Variants in HCFC1 observed in about 807,000 individuals in gnomAD.
HCFC1 encodes the protein host cell factor 1.
HCFC1 carries 7 observed loss-of-function variants against 105.5 expected under a neutral mutation model. That is an observed-to-expected ratio of 0.07 (90% CI 0.04 to 0.12). The LOEUF (loss-of-function observed/expected upper bound fraction) is 0.12. HCFC1 is among the 10% of genes least tolerant of loss of function. The pLI, the probability that HCFC1 is intolerant of heterozygous loss-of-function variation, is 1.00. For missense variants in HCFC1, 1,065 were observed against 1,823.6 expected (o/e 0.58, Z 7.58); for synonymous variants, 918 against 828.1 (o/e 1.11, Z -1.86).
At chrX:153,959,764 G>T in intron 8 of HCFC1, 38 bp downstream of exon 8, 2 of 1,146,882 alleles carry the variant, frequency 1.7e-6, no homozygotes, top group Non-Finnish European at 2.3e-6. Flanking sequence ...CCGGAGGCTA[G>T]CCCCCTACTT....
chrX:153,959,617 T>C (rs2065410232), intron 8 of HCFC1, 126 bp from the exon 9 acceptor site: 3 of 968,855 alleles, frequency 3.1e-6, no homozygotes, highest in Non-Finnish European at 1.4e-6. Flanking sequence ...CTCTGTGCCC[T>C]GAGAGTGACC....
rs782510638 is a variant in HCFC1, at chrX:153,953,590, G to GC, written c.4497+16dup. Reference sequence around the variant, plus strand: ...GGCCGGGAAGGCGGGGAAGAACACGGCCCCCTGGGCTCTTACCGGCACAGA... The same window carrying GC: ...GGCCGGGAAGGCGGGGAAGAACACGGCCCCCCTGGGCTCTTACCGGCACAGA... On this transcript the variant is annotated intron_variant, in intron 18 of 25. Transcript: ENST00000310441. The GC allele has an allele frequency of 1.7e-6, 2 of 1,201,381 alleles. No homozygotes were observed. The highest frequency in any genetic ancestry group is 3.5e-5 in the South Asian group (2 of 56,694).
intron 3 of HCFC1, among the ~76,000 whole-genome samples, chrX:153,963,696 C>T (rs1036927064): frequency 8.9e-6 from 1 of 112,776 alleles, no homozygotes; most frequent in Non-Finnish European, 1.9e-5. Flanking sequence ...GCCATGCACA[C>T]AAAGCTGGGT....
intron 6 of HCFC1, among the ~76,000 whole-genome samples, chrX:153,961,245 A>C (rs1420317983): frequency 1.8e-5 from 2 of 112,486 alleles, no homozygotes; most frequent in African/African-American, 6.5e-5. Context: ...ACAGGAAACC[A>C]CCCACATGGC....
chrX:153,964,358 T>A, intron 2 of HCFC1, 74 bp from the exon 3 acceptor site: 2 of 1,037,870 alleles, frequency 1.9e-6, no homozygotes, highest in Non-Finnish European at 2.6e-6. Flanking sequence ...CAACTTGTGG[T>A]GGAGGAGGAA....
chrX:153,967,056 T>C (rs923532977), intron 1 of HCFC1, among the ~76,000 whole-genome samples: 7 of 111,567 alleles, frequency 6.3e-5, no homozygotes, highest in African/African-American at 2.0e-4. Flanking sequence ...TCAAGAGAGG[T>C]CTGTCAGGGA....
Position 153,955,918 on chromosome X carries a change from C to T in HCFC1, c.2856+273G>A, listed in dbSNP as rs371678427. On this transcript the variant is annotated intron_variant, in intron 16 of 25. Coordinates refer to ENST00000310441, the MANE Select transcript of HCFC1 (RefSeq NM_005334.3). ...ACAGAACACTGCACACACATGCAGA[C>T]GAGCTGCGGCGTCCTGTAGAACACT... is the stretch of plus-strand genomic sequence containing the variant. Among the ~76,000 whole-genome samples, 35 of 113,310 alleles carry T rather than the reference C, an allele frequency of 3.1e-4. No individual in the cohort carries two copies. The South Asian group carries it at 0.012, about 38-fold the overall frequency.
chrX:153,959,292 CA>C (rs2065406626), intron 9 of HCFC1, 38 bp downstream of exon 9: 1 of 1,169,098 alleles, frequency 8.6e-7, no homozygotes. Context: ...TCCACTGGAT[CA>C]ACAGGAAATC....
chrX:153,955,376 G>A lies in HCFC1; in HGVS notation c.3023C>T (p.Thr1008Ile). 1 of 1,211,199 alleles carries A rather than the reference G, an allele frequency of 8.3e-7. No homozygotes were observed. ...TGGGTTGGAGCACACCAAGGTGACA[G>A]TGCCAGGCTGCACATCACCCTGGCC... ...DSGQGDVQPG[T>I]VTLVCSNPPC... is the part of the protein sequence containing the mutation. The change falls in exon 17 of 26, where the codon ACT (threonine) becomes ATT (isoleucine). Residue 1008 changes from threonine to isoleucine, a missense_variant. Physicochemically the swap from Thr to Ile is moderately conservative, Grantham distance 89 (BLOSUM62 -1). Transcript: ENST00000310441.
chrX:153,960,314 G>A lies in HCFC1; in HGVS notation c.1005C>T (p.Tyr335=), dbSNP rs1261027235. Residue 335 remains tyrosine (Y), a synonymous_variant, in exon 7 of 26, where the codon TAC becomes TAT. Transcript: ENST00000310441. ...HCAVAINTRL[Y]IWSGRDGYRK... ...GGTAGCCGTCACGCCCACTCCAAATGTACAGGCGGGTGTTGATGGCGACTG... is the reference window on the plus strand; with the variant it reads ...GGTAGCCGTCACGCCCACTCCAAATATACAGGCGGGTGTTGATGGCGACTG... The A allele has an allele frequency of 8.4e-7, 1 of 1,196,731 alleles. No individual in the cohort carries two copies. Among genetic ancestry groups the A allele is most frequent in the Admixed American group, 2.2e-5 (1 of 44,635 alleles).
intron 16 of HCFC1, 90 bp downstream of exon 16, chrX:153,956,101 G>A (rs2065373754): frequency 2.3e-6 from 2 of 871,662 alleles, no homozygotes; most frequent in Non-Finnish European, 1.7e-6. Context: ...ACACCAGGAA[G>A]GAAAGGCCTG....
intron 3 of HCFC1, among the ~76,000 whole-genome samples, chrX:153,963,763 CAG>C (rs1175390088): frequency 8.9e-6 from 1 of 112,891 alleles, no homozygotes; most frequent in Non-Finnish European, 1.9e-5. Flanking sequence ...TACCTCCAGA[CAG>C]AGAGTCCTTG....
rs191389537 is a variant in HCFC1 at position 153,969,633 on chromosome X, G to A, written c.193+1015C>T. ...AGAAAAAGGATGCCACAAAGCTGTCGTGGACAGCAGCAGGCTTTCTGCCCT... is the reference window on the plus strand; with the variant it reads ...AGAAAAAGGATGCCACAAAGCTGTCATGGACAGCAGCAGGCTTTCTGCCCT... On this transcript the variant is annotated intron_variant, in intron 1 of 25. Coordinates refer to ENST00000310441, the MANE Select transcript of HCFC1 (RefSeq NM_005334.3). 2.7e-4 allele frequency among the ~76,000 whole-genome samples: 30 copies of A among 112,855 alleles called. No individual in the cohort carries two copies. The East Asian group carries it at 4.2e-3, about 16-fold the overall frequency.
rs58759385 is a variant in HCFC1 at position 153,962,407 on chromosome X, G to C, written c.713-101C>G. On this transcript the variant is annotated intron_variant, in intron 4 of 25. Transcript: ENST00000310441. ...AGGAAGGTAGGATCTGTCTCAGTGA[G>C]AGAATTCCATCCCTGGCTTCCCTAT... 0.02 allele frequency: 11,211 copies of C among 572,823 alleles called. 881 individuals are homozygous for C. The African/African-American group carries it at 0.22, about 11-fold the overall frequency. The allele number at this position is 572,823 out of a possible 1,213,427, so 47.2% of individuals were successfully genotyped here. A position where few individuals can be genotyped will look rare whatever the true frequency, so the allele number is the denominator to read the frequency against.
In HCFC1 at chrX:153,954,737, C is replaced by T; in HGVS notation, c.3662G>A (p.Ser1221Asn). The T allele has an allele frequency of 8.5e-7, 1 of 1,178,957 alleles. No homozygotes were observed. The highest frequency in any genetic ancestry group is 1.1e-6 in the Non-Finnish European group (1 of 879,384). The change falls in exon 17 of 26, where the codon AGC becomes AAC. Residue 1221 changes from serine to asparagine, a missense_variant. By Grantham distance (46) the Ser-to-Asn change is conservative. Coordinates refer to ENST00000310441, the MANE Select transcript of HCFC1 (RefSeq NM_005334.3). The stretch of plus-strand genomic sequence containing the variant: ...AGGAAGGTCCTTAATGCTTGGGCTG[C>T]TCAGCCTGACTTTGCTGCTCAGAGG... ...LAPLSSKVRL[S>N]SPSIKDLPAG...
In HCFC1 at chrX:153,950,990, C is replaced by T. The variant is rs1168680948; in HGVS notation, c.5526G>A (p.Leu1842=). Residue 1842 remains leucine, a synonymous_variant, in exon 23 of 26, where the codon TTG becomes TTA. Transcript: ENST00000310441. ...GCTGGTTATAGTCAGGGACGGTGCC[C>T]AAATCATCCTAGGAAAAGAGGAGTG... ...PDDAVPSDDD[L]GTVPDYNQLK... 2 of 1,207,940 alleles carry T rather than the reference C, an allele frequency of 1.7e-6. No homozygotes were observed. Among genetic ancestry groups the T allele is most frequent in the Non-Finnish European group, 2.2e-6 (2 of 893,875 alleles).
In HCFC1 at chrX:153,956,507, A is replaced by G. The variant is rs1222795414; in HGVS notation, c.2636-96T>C. The G allele has an allele frequency of 5.4e-6, 6 of 1,117,370 alleles. 1 individual carries two copies. The East Asian group carries it at 1.2e-4, about 22-fold the overall frequency. The allele number at this position is 1,117,370 out of a possible 1,213,427, so 92.1% of individuals were successfully genotyped here. ...GCTGGGGCACTCTGGAGCTGCTTGCATAGAAGGCTCGGGAGAGAGGAGCTG... is the reference window on the plus strand; with the variant it reads ...GCTGGGGCACTCTGGAGCTGCTTGCGTAGAAGGCTCGGGAGAGAGGAGCTG... On this transcript the variant is annotated intron_variant, in intron 15 of 25. Transcript: ENST00000310441.
In HCFC1 at chrX:153,958,912, C is replaced by G. The variant is rs782161786; in HGVS notation, c.1606-146G>C. Reference sequence around the variant, plus strand: ...TGGCTCAGCTTTCTCTACTGCCAGACCCCGCTCTCCTGGCCCCAGACACAG... The same window carrying G: ...TGGCTCAGCTTTCTCTACTGCCAGAGCCCGCTCTCCTGGCCCCAGACACAG... On this transcript the variant is annotated intron_variant, in intron 9 of 25. Coordinates refer to ENST00000310441, the MANE Select transcript of HCFC1 (RefSeq NM_005334.3). The G allele has an allele frequency of 5.2e-4, 234 of 446,670 alleles. 3 individuals are homozygous for G. In the South Asian group the frequency reaches 9.9e-3, roughly 19 times the overall value. 36.8% of individuals were successfully genotyped at this position (446,670 alleles called of 1,213,427 possible).
rs1295524900 is a variant in HCFC1 at position 153,971,499 on chromosome X, G to A, written c.-659C>T. On this transcript the variant is annotated 5_prime_UTR_variant, in exon 1 of 26. Transcript: ENST00000310441. ...CTCGAGCTCTCGAGGGCCGTTTGGG[G>A]GCTCGCGCCGTACGGCTTGTGAAGT... 1.4e-5 allele frequency: 4 copies of A among 293,065 alleles called. No individual in the cohort carries two copies. Among genetic ancestry groups the A allele is most frequent in the Admixed American group, 6.1e-5 (1 of 16,355 alleles). 24.2% of individuals were successfully genotyped at this position (293,065 alleles called of 1,213,427 possible). A position where few individuals can be genotyped will look rare whatever the true frequency, so the allele number is the denominator to read the frequency against.
Sources: gnomAD v4.1 joint callset for allele counts (sites outside exome capture counted in the v4.1 genomes callset) on GRCh38, gnomAD v4.1.1 for gene constraint, MANE v1.5 for transcripts, NCBI Gene and HGNC (gene_info 2026-07-23, HGNC 2026-07-21) for gene names.